LRP1B: variants seen among roughly 807,000 people sequenced by gnomAD.
LRP1B encodes the protein low-density lipoprotein receptor-related protein 1B.
In LRP1B, 217 loss-of-function variants were observed where a neutral mutation model predicts 556.6. That is an observed-to-expected ratio of 0.39 (90% CI 0.35 to 0.44). The LOEUF (loss-of-function observed/expected upper bound fraction) is 0.44. Ranked by LOEUF, LRP1B falls within the 20% of genes least tolerant of loss-of-function variation. LRP1B has a pLI of 1.00. For missense variants in LRP1B, 5,053 were observed against 5,620.8 expected (o/e 0.90, Z 3.23); for synonymous variants, 2,047 against 1,865.8 (o/e 1.10, Z -2.50).
At chr2:140,430,353 G>A (rs536332552) in intron 66 of LRP1B, among the ~76,000 whole-genome samples, 2 of 152,222 alleles carry the variant, frequency 1.3e-5, no homozygotes, top group Admixed American at 6.5e-5. Flanking sequence ...TGTTATATGC[G>A]CTGAAAGAGG....
At chr2:141,516,167 T>C (rs577532753) in intron 2 of LRP1B, among the ~76,000 whole-genome samples, 9 of 152,182 alleles carry the variant, frequency 5.9e-5, no homozygotes, top group Non-Finnish European at 1.2e-4. Flanking sequence ...CACATTTCTA[T>C]GATTTGGCTT....
intron 14 of LRP1B, among the ~76,000 whole-genome samples, chr2:141,012,772 C>T (rs6759853): frequency 0.037 from 5,580 of 151,788 alleles, 340 homozygotes; most frequent in East Asian, 0.28. Flanking sequence ...AATTTCCAAT[C>T]GATAGCATAC....
chr2:140,767,878 T>C (rs1689172297), intron 35 of LRP1B, among the ~76,000 whole-genome samples: 1 of 151,894 alleles, frequency 6.6e-6, no homozygotes, highest in Admixed American at 6.6e-5. Context: ...ACATAAAATC[T>C]TTTAAAAGTT....
rs1694145130 is a variant in LRP1B, at chr2:140,902,901, A to C, written c.3766+19T>G. On this transcript the variant is annotated intron_variant, in intron 23 of 90. Transcript: ENST00000389484. ...GATCTATTCTTAAATATAGCAACAC[A>C]CACAAAATAGTTACTTACCAACACT... The C allele has an allele frequency of 1.2e-6, 2 of 1,608,644 alleles. No homozygotes were observed. Among genetic ancestry groups the C allele is most frequent in the Non-Finnish European group, 1.7e-6 (2 of 1,175,918 alleles).
intron 3 of LRP1B, among the ~76,000 whole-genome samples, chr2:141,434,607 TG>T (rs1278431838): frequency 6.6e-6 from 1 of 152,194 alleles, no homozygotes; most frequent in Non-Finnish European, 1.5e-5. Flanking sequence ...TGGCAGTTTT[TG>T]TTGCCTGATA....
At chr2:140,716,875 C>G (rs1333351225) in intron 35 of LRP1B, 59 bp from the exon 36 acceptor site, 1 of 1,035,338 alleles carries the variant, frequency 9.7e-7, no homozygotes. Flanking sequence ...GTATCAATAT[C>G]GGTGTTAGGA....
chr2:141,109,363 T>C (rs1345269057), intron 7 of LRP1B, among the ~76,000 whole-genome samples: 1 of 152,166 alleles, frequency 6.6e-6, no homozygotes, highest in East Asian at 1.9e-4. Flanking sequence ...ATAGGCTCCA[T>C]CTGGGAAGTA....
chr2:141,468,336 C>A (rs1216194369), intron 3 of LRP1B, among the ~76,000 whole-genome samples: 3 of 152,064 alleles, frequency 2.0e-5, no homozygotes, highest in African/African-American at 7.2e-5. Flanking sequence ...AAAATGGGAA[C>A]AAATGAAACA....
chr2:140,291,979 C>G (rs1427198751), intron 84 of LRP1B, among the ~76,000 whole-genome samples: 2 of 152,102 alleles, frequency 1.3e-5, no homozygotes, highest in Non-Finnish European at 2.9e-5. Flanking sequence ...CTGTTGTTTC[C>G]TGACTTTTTA....
At chr2:141,841,654 A>G (rs1275117090) in intron 1 of LRP1B, among the ~76,000 whole-genome samples, 3 of 152,166 alleles carry the variant, frequency 2.0e-5, no homozygotes, top group African/African-American at 2.4e-5. Context: ...ACGAAGTGAG[A>G]GAGAGTTAAG....
chr2:141,464,600 A>ATTTTTTTTTTTTT (rs1168356384), intron 3 of LRP1B, among the ~76,000 whole-genome samples: 1 of 76,254 alleles, frequency 1.3e-5, no homozygotes, highest in Non-Finnish European at 2.7e-5. Context: ...ATATATATAT[A>ATTTTTTTTTTTTT]TATATATTTT....
Position 140,598,625 on chromosome 2 carries a change from A to G in LRP1B, c.7194+6T>C, listed in dbSNP as rs1288764534. ...TCTATAACCAAGAAATTCCTGATTA[A>G]CTTACATGTCTCTGGGATCCATCGT... On this transcript the variant is annotated splice_donor_region_variant and intron_variant, in intron 43 of 90. Transcript: ENST00000389484. The G allele has an allele frequency of 2.5e-6, 4 of 1,606,508 alleles. No individual in the cohort carries two copies. Among genetic ancestry groups the G allele is most frequent in the Non-Finnish European group, 3.4e-6 (4 of 1,173,380 alleles).
At chr2:141,357,687 C>T (rs568918631) in intron 3 of LRP1B, among the ~76,000 whole-genome samples, 1 of 152,070 alleles carries the variant, frequency 6.6e-6, no homozygotes, top group South Asian at 2.1e-4. Context: ...AATGATATCC[C>T]ACAGACAATG....
At chr2:140,469,135 T>TGAATG (rs1687666126) in intron 60 of LRP1B, among the ~76,000 whole-genome samples, 1 of 152,280 alleles carries the variant, frequency 6.6e-6, no homozygotes, top group African/African-American at 2.4e-5. Context: ...TGCTATGGTC[T>TGAATG]GAATGTTGAT....
chr2:140,522,883 C>T (rs1407752821), intron 49 of LRP1B, among the ~76,000 whole-genome samples: 1 of 151,822 alleles, frequency 6.6e-6, no homozygotes, highest in Non-Finnish European at 1.5e-5. Flanking sequence ...AGTTCTAAAA[C>T]TGAATCAGTA....
At chr2:140,814,927 G>T (rs1691058097) in intron 31 of LRP1B, among the ~76,000 whole-genome samples, 1 of 152,040 alleles carries the variant, frequency 6.6e-6, no homozygotes, top group Non-Finnish European at 1.5e-5. Context: ...TTTGCTAAAG[G>T]TCCTTGGCAC....
chr2:140,244,991 C>G (rs1021831880), intron 87 of LRP1B, among the ~76,000 whole-genome samples: 4 of 151,302 alleles, frequency 2.6e-5, no homozygotes, highest in African/African-American at 9.7e-5. Context: ...TCCCTTCTTT[C>G]AGAGCTACTG....
chr2:141,823,460 T>C (rs1276149779), intron 1 of LRP1B, among the ~76,000 whole-genome samples: 1 of 152,070 alleles, frequency 6.6e-6, no homozygotes, highest in Non-Finnish European at 1.5e-5. Context: ...GTGATTATAC[T>C]AACAATCAGA....
intron 1 of LRP1B, among the ~76,000 whole-genome samples, chr2:142,123,642 T>A (rs1213524503): frequency 2.6e-5 from 4 of 151,298 alleles, no homozygotes; most frequent in Non-Finnish European, 5.9e-5. Flanking sequence ...ACATGATCTA[T>A]CTTCTTCAAG....
Sources: allele counts gnomAD v4.1 joint callset (sites outside exome capture counted in the v4.1 genomes callset), GRCh38; gene constraint gnomAD v4.1.1; transcripts MANE v1.5; gene names NCBI Gene and HGNC (gene_info 2026-07-23, HGNC 2026-07-21).